PMPCA: variants seen among roughly 807,000 people sequenced by gnomAD.
The protein encoded by PMPCA is mitochondrial-processing peptidase subunit alpha.
In PMPCA, 47 loss-of-function variants were observed where a neutral mutation model predicts 59.3. The ratio of observed to expected loss-of-function variants is 0.79; its 90% CI spans 0.63 to 1.01. The LOEUF (loss-of-function observed/expected upper bound fraction) is 1.01. PMPCA is among the 50% of genes least tolerant of loss of function. The pLI is 0.00. For missense variants in PMPCA, 726 were observed against 704.5 expected (o/e 1.03, Z -0.34); for synonymous variants, 338 against 290.3 (o/e 1.16, Z -1.67).
intron 12 of PMPCA, 88 bp from the exon 13 acceptor site, chr9:136,423,007 C>T (rs1835502208): frequency 1.3e-6 from 2 of 1,497,590 alleles, no homozygotes; most frequent in African/African-American, 1.4e-5. Context: ...TGGTACAGAC[C>T]AGCCGCCCCC....
intron 1 of PMPCA, chr9:136,411,355 G>C (rs1294305330): frequency 1.3e-5 from 2 of 154,218 alleles, no homozygotes; most frequent in Non-Finnish European, 2.9e-5. Context: ...AAATGCTTTG[G>C]AGTAAACAAG....
intron 7 of PMPCA, among the ~76,000 whole-genome samples, chr9:136,417,733 C>T (rs571898165): frequency 1.3e-5 from 2 of 151,488 alleles, no homozygotes; most frequent in South Asian, 2.1e-4. Flanking sequence ...GGATTACAGG[C>T]GTAAGCCACC....
chr9:136,422,359 T>G, intron 12 of PMPCA: 2 of 1,135,348 alleles, frequency 1.8e-6, no homozygotes, highest in East Asian at 6.7e-5. Context: ...CGTTGCTGGC[T>G]CTCGGGCAGG....
chr9:136,411,412 G>A (rs1438516958), intron 1 of PMPCA: 2 of 158,758 alleles, frequency 1.3e-5, no homozygotes, highest in African/African-American at 4.8e-5. Context: ...ACTGGTGAGG[G>A]ATAGTCCTCC....
rs879646908 is a variant in PMPCA at position 136,423,586 on chromosome 9, C to T, written c.*322C>T. 32 of 313,486 alleles carry T rather than the reference C, an allele frequency of 1.0e-4. No homozygotes were observed. The highest frequency in any genetic ancestry group is 1.7e-4 in the Admixed American group (4 of 23,442). 19.4% of individuals were successfully genotyped at this position (313,486 alleles called of 1,614,324 possible). Reference sequence around the variant, plus strand: ...GCCCCGCAGGTTCCTTGGAGGAGCCCTGAGCTGGGAGGCAGCAAAGGCTGA... The same window carrying T: ...GCCCCGCAGGTTCCTTGGAGGAGCCTTGAGCTGGGAGGCAGCAAAGGCTGA... On this transcript the variant is annotated 3_prime_UTR_variant, in exon 13 of 13. Transcript: ENST00000371717.
chr9:136,419,958 A>G (rs1027748209), intron 11 of PMPCA: 1 of 151,434 alleles, frequency 6.6e-6, no homozygotes, highest in African/African-American at 2.4e-5. Flanking sequence ...CCTGGACCAG[A>G]AGTGGTACAA....
chr9:136,417,767 A>G (rs991848473), intron 7 of PMPCA, among the ~76,000 whole-genome samples: 22 of 144,264 alleles, frequency 1.5e-4, no homozygotes, highest in South Asian at 2.2e-4. Flanking sequence ...ATGTATATAC[A>G]TATGTTTTTT....
In PMPCA at chr9:136,412,741, T is replaced by TA. The variant is rs755620253; in HGVS notation, c.355-69_355-68insA. On this transcript the variant is annotated intron_variant, in intron 3 of 12. Transcript: ENST00000371717. ...TGTGTGTTAAAAGCAAAAGTAGATT[T>TA]TAAAAAAAAATTGTGTTTCAGGGAT... The TA allele has an allele frequency of 2.8e-4, 289 of 1,025,422 alleles. 1 individual carries two copies. Among genetic ancestry groups the TA allele is most frequent in the Admixed American group, 7.1e-4 (34 of 48,096 alleles). The allele number at this position is 1,025,422 out of a possible 1,614,324, so 63.5% of individuals were successfully genotyped here. A position where few individuals can be genotyped will look rare whatever the true frequency, so the allele number is the denominator to read the frequency against.
chr9:136,422,407 C>A lies in PMPCA; in HGVS notation c.1408+431C>A, dbSNP rs1214361939. The A allele has an allele frequency of 9.1e-6, 10 of 1,102,564 alleles. 1 individual carries two copies. The African/African-American group carries it at 1.5e-4, about 16-fold the overall frequency. 68.3% of individuals were successfully genotyped at this position (1,102,564 alleles called of 1,614,324 possible). The stretch of plus-strand genomic sequence containing the variant: ...AGGTTTCCGGGGCCCCCATGAGTGA[C>A]CTTAGGAGGTCTGAATTTCCTGAAA... On this transcript the variant is annotated intron_variant, in intron 12 of 12. Transcript: ENST00000371717.
intron 5 of PMPCA, among the ~76,000 whole-genome samples, chr9:136,415,366 G>A (rs1229593777): frequency 2.6e-5 from 4 of 152,190 alleles, no homozygotes; most frequent in Non-Finnish European, 4.4e-5. Flanking sequence ...CTTTGATTTC[G>A]GAAGGGCACC....
chr9:136,412,874 G>C lies in PMPCA; in HGVS notation c.419G>C (p.Cys140Ser). ...ACGTTGGAAAAGCATGGGGGTATCT[G>C]TGACTGCCAGACATCAAGGTACACC... The part of the protein sequence containing the change: ...LLTLEKHGGI[C>S]DCQTSRDTTM... The change falls in exon 4 of 13, where the codon TGT becomes TCT. Residue 140 changes from cysteine (C) to serine (S), a missense_variant. Transcript: ENST00000371717. 2 of 1,601,980 alleles carry C rather than the reference G, an allele frequency of 1.2e-6. No individual in the cohort carries two copies. The highest frequency in any genetic ancestry group is 1.3e-5 in the African/African-American group (1 of 74,832).
In PMPCA at chr9:136,412,862, A is replaced by G; in HGVS notation, c.407A>G (p.His136Arg). 1 of 1,608,982 alleles carries G rather than the reference A, an allele frequency of 6.2e-7. No individual in the cohort carries two copies. The highest frequency in any genetic ancestry group is 8.5e-7 in the Non-Finnish European group (1 of 1,175,414). Residue 136 changes from histidine to arginine, a missense_variant, in exon 4 of 13, where the codon CAT becomes CGT. His to Arg is a conservative substitution (Grantham distance 29, BLOSUM62 0). Coordinates refer to ENST00000371717, the MANE Select transcript of PMPCA (RefSeq NM_015160.3). Reference protein sequence around the residue: ...KDEILLTLEKHGGICDCQTSR... With the variant: ...KDEILLTLEKRGGICDCQTSR... ...GAAATTCTGCTTACGTTGGAAAAGCATGGGGGTATCTGTGACTGCCAGACA... is the reference window on the plus strand; with the variant it reads ...GAAATTCTGCTTACGTTGGAAAAGCGTGGGGGTATCTGTGACTGCCAGACA...
At chr9:136,421,419 T>G (rs931705278) in intron 11 of PMPCA, among the ~76,000 whole-genome samples, 4 of 148,296 alleles carry the variant, frequency 2.7e-5, no homozygotes, top group African/African-American at 9.9e-5. Flanking sequence ...TTTTTTTTTT[T>G]TTTTTTTTGA....
rs1007898550 is a variant in PMPCA, at chr9:136,410,697, G to T, written c.29G>T (p.Arg10Leu). 2 of 1,416,742 alleles carry T rather than the reference G, an allele frequency of 1.4e-6. No homozygotes were observed. The highest frequency in any genetic ancestry group is 9.2e-7 in the Non-Finnish European group (1 of 1,087,172). 87.8% of individuals were successfully genotyped at this position (1,416,742 alleles called of 1,614,324 possible). Residue 10 changes from arginine to leucine, a missense_variant, in exon 1 of 13, where the codon CGG becomes CTG. Transcript: ENST00000371717. MAAVVLAATRLLRGSGSWGC... is the reference protein window; with the variant it reads MAAVVLAATLLLRGSGSWGC... ...GCGGCTGTGGTGCTGGCGGCGACGC[G>T]GTTGCTGCGGGGCTCGGGTTCTTGG...
intron 5 of PMPCA, among the ~76,000 whole-genome samples, chr9:136,415,787 C>G (rs571510492): frequency 1.3e-5 from 2 of 152,222 alleles, no homozygotes; most frequent in Non-Finnish European, 2.9e-5. Flanking sequence ...CGCCCGCCAC[C>G]GCGCCCAGTT....
intron 5 of PMPCA, 25 bp from the exon 6 acceptor site, chr9:136,416,266 C>T (rs1395167613): frequency 1.3e-6 from 2 of 1,560,686 alleles, no homozygotes; most frequent in Non-Finnish European, 8.8e-7. Context: ...GCAGACTCAG[C>T]CCTGGCCTTT....
At position 136,412,170 on chromosome 9, in the gene PMPCA, A is replaced by ATC. The variant is rs1835145226; in HGVS notation, c.246_247insCT (p.Lys83LeufsTer9). ...AATGGGCTTCGCGTGGCATCTCAGA[A>ATC]TAAGTTTGGACAGTTTTGTACAGTA... On this transcript the variant is annotated frameshift_variant, in exon 2 of 13. Transcript: ENST00000371717. LOFTEE classifies it high-confidence loss of function. The ATC allele has an allele frequency of 6.2e-7, 1 of 1,613,844 alleles. No individual in the cohort carries two copies. The highest frequency in any genetic ancestry group is 8.5e-7 in the Non-Finnish European group (1 of 1,179,908).
chr9:136,413,928 A>G (rs1361644714), intron 4 of PMPCA, among the ~76,000 whole-genome samples: 1 of 152,230 alleles, frequency 6.6e-6, no homozygotes, highest in Non-Finnish European at 1.5e-5. Flanking sequence ...TCTGCTCTGC[A>G]TGGTCTCCCT....
chr9:136,422,056 C>T (rs757184031), intron 12 of PMPCA, 80 bp downstream of exon 12: 18 of 1,550,534 alleles, frequency 1.2e-5, no homozygotes, highest in Admixed American at 2.0e-5. Flanking sequence ...TCCCGCAGGC[C>T]GTGGTGGGCC....
Sources: gnomAD v4.1 joint callset for allele counts (sites outside exome capture counted in the v4.1 genomes callset) on GRCh38, gnomAD v4.1.1 for gene constraint, MANE v1.5 for transcripts, NCBI Gene and HGNC (gene_info 2026-07-23, HGNC 2026-07-21) for gene names.